The following RPUSD4 variants were observed in gnomAD, a reference collection of about 807,000 sequenced individuals.
The protein encoded by RPUSD4 is pseudouridylate synthase RPUSD4, mitochondrial.
A neutral mutation model predicts 35.4 loss-of-function variants in RPUSD4; 37 were observed. The observed-to-expected ratio is 1.04, with a 90% CI of 0.80 to 1.37. RPUSD4 has a LOEUF of 1.37. RPUSD4 is among the 40% of genes most tolerant of loss of function. RPUSD4 has a pLI of 0.00. For missense variants in RPUSD4, 507 were observed against 484.9 expected, an observed-to-expected ratio of 1.05 and a Z score of -0.43; for synonymous variants, 210 against 192.7, an observed-to-expected ratio of 1.09 and a Z score of -0.74.
In RPUSD4 at chr11:126,205,630, A is replaced by C; in HGVS notation, c.652-18T>G. 6.2e-7 allele frequency: 1 copy of C among 1,613,940 alleles called. No individual in the cohort carries two copies. ...AATGTCATCTGAAGCCAAAGAAATC[A>C]AGATATGATTCCCAAGGAAGAGCAG... On this transcript the variant is annotated intron_variant, in intron 4 of 6. Transcript: ENST00000298317.
chr11:126,205,445 C>A, intron 5 of RPUSD4, 23 bp downstream of exon 5: 2 of 1,613,552 alleles, frequency 1.2e-6, no homozygotes, highest in Non-Finnish European at 1.7e-6. Flanking sequence ...TGTGATCCCA[C>A]TGCGGAAAAG....
chr11:126,209,518 T>C lies in RPUSD4; in HGVS notation c.557+3A>G, dbSNP rs762313917. 9 of 1,613,646 alleles carry C rather than the reference T, an allele frequency of 5.6e-6. No homozygotes were observed. Among genetic ancestry groups the C allele is most frequent in the Non-Finnish European group, 7.6e-6 (9 of 1,179,628 alleles). ...CCTCTACTGCCATCAGCAGGCCTCA[T>C]ACCAGTACTTCTTCACCACCTGACG... is the stretch of plus-strand genomic sequence containing the variant. On this transcript the variant is annotated splice_donor_region_variant and intron_variant, in intron 3 of 6. Coordinates refer to ENST00000298317, the MANE Select transcript of RPUSD4 (RefSeq NM_032795.3).
At chr11:126,204,533 T>A (rs192216941) in intron 5 of RPUSD4, among the ~76,000 whole-genome samples, 1 of 152,308 alleles carries the variant, frequency 6.6e-6, no homozygotes, top group Admixed American at 6.5e-5. Flanking sequence ...GTAAATACTC[T>A]AAGTACCTCT....
chr11:126,211,032 C>T lies in RPUSD4; in HGVS notation c.213G>A (p.Arg71=), dbSNP rs1473937067. 1.2e-6 allele frequency: 2 copies of T among 1,613,748 alleles called. No individual in the cohort carries two copies. The highest frequency in any genetic ancestry group is 1.7e-6 in the Non-Finnish European group (2 of 1,180,024). The change falls in exon 2 of 7, where the codon CGG becomes CGA. Residue 71 remains arginine (R), a synonymous_variant. Transcript: ENST00000298317. ...KEPVSTNAVQ[R]RVQEIVRFTR... ...TGAACCGCACTATTTCTTGCACTCTCCGCTGAACAGCGTTTGTGGACACCT... is the reference window on the plus strand; with the variant it reads ...TGAACCGCACTATTTCTTGCACTCTTCGCTGAACAGCGTTTGTGGACACCT...
intron 3 of RPUSD4, among the ~76,000 whole-genome samples, chr11:126,208,250 T>C (rs1280149551): frequency 6.6e-6 from 1 of 152,216 alleles, no homozygotes; most frequent in Non-Finnish European, 1.5e-5. Context: ...TGCAATAGGC[T>C]CTAAAAAATG....
At position 126,202,346 on chromosome 11, in the gene RPUSD4, C is replaced by T. The variant is rs935246290; in HGVS notation, c.*1072G>A. ...AGGCCAAGGTCATTTCCATCTATCCCTAATGGTGTTCAGTATAGCCCTCTC... is the reference window on the plus strand; with the variant it reads ...AGGCCAAGGTCATTTCCATCTATCCTTAATGGTGTTCAGTATAGCCCTCTC... On this transcript the variant is annotated 3_prime_UTR_variant, in exon 7 of 7. Coordinates refer to ENST00000298317, the MANE Select transcript of RPUSD4 (RefSeq NM_032795.3). The T allele has an allele frequency of 2.6e-5, 4 of 152,210 alleles. No homozygotes were observed. Among genetic ancestry groups the T allele is most frequent in the Non-Finnish European group, 5.9e-5 (4 of 68,048 alleles). The allele number at this position is 152,210 out of a possible 1,614,324, so 9.4% of individuals were successfully genotyped here.
chr11:126,205,107 C>T lies in RPUSD4; in HGVS notation c.796+361G>A, dbSNP rs146573148. ...GCTACATTTTGTTTCTCCATTCATC[C>T]CCCAATGGTCACTGGGATTATCTTC... On this transcript the variant is annotated intron_variant, in intron 5 of 6. Coordinates refer to ENST00000298317, the MANE Select transcript of RPUSD4 (RefSeq NM_032795.3). Among the ~76,000 whole-genome samples the T allele has an allele frequency of 2.8e-3, 431 of 152,228 alleles. 5 individuals are homozygous for T. The highest frequency in any genetic ancestry group is 9.9e-3 in the African/African-American group (411 of 41,536).
intron 3 of RPUSD4, chr11:126,208,547 T>C (rs1279926580): frequency 6.6e-6 from 1 of 152,202 alleles, no homozygotes; most frequent in Non-Finnish European, 1.5e-5. Context: ...CTTTTTTCTA[T>C]GAAAAACACT....
At chr11:126,206,849 T>C (rs1276336555) in intron 3 of RPUSD4, among the ~76,000 whole-genome samples, 1 of 152,188 alleles carries the variant, frequency 6.6e-6, no homozygotes, top group Non-Finnish European at 1.5e-5. Context: ...GTACATTTTA[T>C]CGTATTTTAC....
intron 2 of RPUSD4, 102 bp downstream of exon 2, chr11:126,210,788 G>T: frequency 8.5e-7 from 1 of 1,177,300 alleles, no homozygotes; most frequent in Non-Finnish European, 1.2e-6. Flanking sequence ...TAATTAATTT[G>T]AATGCAAGGC....
chr11:126,205,386 C>G (rs1949760555), intron 5 of RPUSD4, 82 bp downstream of exon 5: 2 of 1,550,200 alleles, frequency 1.3e-6, no homozygotes, highest in South Asian at 2.3e-5. Flanking sequence ...AGCCACACTA[C>G]TAGCTGCTCA....
At position 126,202,856 on chromosome 11, in the gene RPUSD4, A is replaced by G. The variant is rs1010925823; in HGVS notation, c.*562T>C. Reference sequence around the variant, plus strand: ...TGTGCATGTTATCTGCCTGCCATTCACATCGGTTCTCCTTGCTCAGCAAAT... The same window carrying G: ...TGTGCATGTTATCTGCCTGCCATTCGCATCGGTTCTCCTTGCTCAGCAAAT... On this transcript the variant is annotated 3_prime_UTR_variant, in exon 7 of 7. Coordinates refer to ENST00000298317, the MANE Select transcript of RPUSD4 (RefSeq NM_032795.3). The G allele has an allele frequency of 1.3e-5, 2 of 152,646 alleles. No homozygotes were observed. The highest frequency in any genetic ancestry group is 4.8e-5 in the African/African-American group (2 of 41,448). The allele number at this position is 152,646 out of a possible 1,614,324, so 9.5% of individuals were successfully genotyped here.
rs1949868004 is a variant in RPUSD4 at position 126,211,481 on chromosome 11, T to C, written c.158A>G (p.Gln53Arg). 1 of 1,614,034 alleles carries C rather than the reference T, an allele frequency of 6.2e-7. No individual in the cohort carries two copies. The highest frequency in any genetic ancestry group is 8.5e-7 in the Non-Finnish European group (1 of 1,179,962). ...CTTCTTTGTGTCTTGTTCCCGTTTCTGGGCTCGGAGCTTCTCCGCTAATCT... is the reference window on the plus strand; with the variant it reads ...CTTCTTTGTGTCTTGTTCCCGTTTCCGGGCTCGGAGCTTCTCCGCTAATCT... The part of the protein sequence containing the change: ...AQRLAEKLRA[Q>R]KREQDTKKEP... The change falls in exon 1 of 7, where the codon CAG becomes CGG. Residue 53 changes from glutamine (Q) to arginine (R), a missense_variant. By Grantham distance (43) the Gln-to-Arg change is conservative. Coordinates refer to ENST00000298317, the MANE Select transcript of RPUSD4 (RefSeq NM_032795.3).
Position 126,209,740 on chromosome 11 carries a change from A to G in RPUSD4, c.356-18T>C. The G allele has an allele frequency of 1.2e-6, 2 of 1,607,990 alleles. No homozygotes were observed. Among genetic ancestry groups the G allele is most frequent in the Non-Finnish European group, 1.7e-6 (2 of 1,177,352 alleles). On this transcript the variant is annotated intron_variant, in intron 2 of 6. Coordinates refer to ENST00000298317, the MANE Select transcript of RPUSD4 (RefSeq NM_032795.3). The stretch of plus-strand genomic sequence containing the variant: ...AGGGCCACCTAAGAAGGAAAAAGCC[A>G]AAGGTTTGAGCGGCCAGGAAAAGAT...
chr11:126,211,018 A>G lies in RPUSD4; in HGVS notation c.227T>C (p.Ile76Thr), dbSNP rs1381677644. Residue 76 changes from isoleucine to threonine, a missense_variant, in exon 2 of 7, where the codon ATA becomes ACA. Physicochemically the swap from Ile to Thr is moderately conservative, Grantham distance 89 (BLOSUM62 -1). Coordinates refer to ENST00000298317, the MANE Select transcript of RPUSD4 (RefSeq NM_032795.3). ...CTGCAGCTGCCGTGTGAACCGCACTATTTCTTGCACTCTCCGCTGAACAGC... is the reference window on the plus strand; with the variant it reads ...CTGCAGCTGCCGTGTGAACCGCACTGTTTCTTGCACTCTCCGCTGAACAGC... ...TNAVQRRVQEIVRFTRQLQRV... is the reference protein window; with the variant it reads ...TNAVQRRVQETVRFTRQLQRV... 1 of 1,613,970 alleles carries G rather than the reference A, an allele frequency of 6.2e-7. No individual in the cohort carries two copies. Among genetic ancestry groups the G allele is most frequent in the African/African-American group, 1.3e-5 (1 of 74,982 alleles).
chr11:126,203,164 G>T lies in RPUSD4; in HGVS notation c.*254C>A. On this transcript the variant is annotated 3_prime_UTR_variant, in exon 7 of 7. Coordinates refer to ENST00000298317, the MANE Select transcript of RPUSD4 (RefSeq NM_032795.3). The stretch of plus-strand genomic sequence containing the variant: ...ATATTGGCAATGAGAGCCCACGGCA[G>T]GGAGACTTCCAGCAGGCTTTTCCAC... 1 of 458,108 alleles carries T rather than the reference G, an allele frequency of 2.2e-6. No homozygotes were observed. The highest frequency in any genetic ancestry group is 3.9e-6 in the Non-Finnish European group (1 of 257,062). The allele number at this position is 458,108 out of a possible 1,614,324, so 28.4% of individuals were successfully genotyped here. A position where few individuals can be genotyped will look rare whatever the true frequency, so the allele number is the denominator to read the frequency against.
chr11:126,205,361 A>G lies in RPUSD4; in HGVS notation c.796+107T>C. ...GGCCTCAGATCAGCACCAGAAGCAC[A>G]TTCTCACACAAGTCAGCCACACTAC... On this transcript the variant is annotated intron_variant, in intron 5 of 6. Transcript: ENST00000298317. 7 of 1,395,704 alleles carry G rather than the reference A, an allele frequency of 5.0e-6. No homozygotes were observed. In the South Asian group the frequency reaches 6.5e-5, roughly 13 times the overall value. The allele number at this position is 1,395,704 out of a possible 1,614,324, so 86.5% of individuals were successfully genotyped here.
intron 1 of RPUSD4, 194 bp downstream of exon 1, chr11:126,211,256 T>C (rs2135108615): frequency 5.6e-6 from 5 of 887,018 alleles, no homozygotes; most frequent in Middle Eastern, 3.5e-4. Flanking sequence ...AGCCTGACAG[T>C]AGCCAAAGAT....
chr11:126,203,236 C>T lies in RPUSD4; in HGVS notation c.*182G>A, dbSNP rs547023334. On this transcript the variant is annotated 3_prime_UTR_variant, in exon 7 of 7. Transcript: ENST00000298317. ...AATAGACTTTGTTCTCCATTAAAAG[C>T]CCTGTAGCAGCTGAGTTGCTTTACC... is the stretch of plus-strand genomic sequence containing the variant. 2.2e-5 allele frequency: 17 copies of T among 782,766 alleles called. No individual in the cohort carries two copies. The Admixed American group carries it at 3.9e-4, about 18-fold the overall frequency. The allele number at this position is 782,766 out of a possible 1,614,324, so 48.5% of individuals were successfully genotyped here. A position where few individuals can be genotyped will look rare whatever the true frequency, so the allele number is the denominator to read the frequency against.
Sources: allele counts gnomAD v4.1 joint callset (sites outside exome capture counted in the v4.1 genomes callset), GRCh38; gene constraint gnomAD v4.1.1; transcripts MANE v1.5; gene names NCBI Gene and HGNC (gene_info 2026-07-23, HGNC 2026-07-21).